The following MAML2 variants were observed in gnomAD, a reference collection of about 807,000 sequenced individuals.
The protein encoded by MAML2 is mastermind like transcriptional coactivator 2.
MAML2 carries 22 observed loss-of-function variants against 96.1 expected under a neutral mutation model. That is an observed-to-expected ratio of 0.23 (90% CI 0.16 to 0.33). MAML2 has a LOEUF of 0.33. MAML2 is among the 10% of genes least tolerant of loss of function. The pLI, the probability that MAML2 is intolerant of heterozygous loss-of-function variation, is 1.00. For synonymous variants in MAML2, 561 were observed against 521.3 expected (o/e 1.08, Z -1.04); for missense variants, 1,367 against 1,392.4 (o/e 0.98, Z 0.29).
At chr11:96,188,349 C>A (rs1187070372) in intron 1 of MAML2, among the ~76,000 whole-genome samples, 1 of 152,218 alleles carries the variant, frequency 6.6e-6, no homozygotes, top group Non-Finnish European at 1.5e-5. Flanking sequence ...GCCAACACAT[C>A]TCTCTCTACC....
intron 1 of MAML2, among the ~76,000 whole-genome samples, chr11:96,166,177 T>TCTCTCACACA (rs530578845): frequency 0.015 from 1,708 of 110,278 alleles, 20 homozygotes; most frequent in African/African-American, 0.03. Context: ...TCTCTCTCTC[T>TCTCTCACACA]CACACACACA....
At chr11:96,074,242 C>T (rs1181072357) in intron 2 of MAML2, among the ~76,000 whole-genome samples, 1 of 152,214 alleles carries the variant, frequency 6.6e-6, no homozygotes, top group African/African-American at 2.4e-5. Flanking sequence ...CATGCAGTCA[C>T]CCAGCTAGTC....
chr11:96,234,505 A>G (rs1862340417), intron 1 of MAML2, among the ~76,000 whole-genome samples: 1 of 152,160 alleles, frequency 6.6e-6, no homozygotes, highest in Non-Finnish European at 1.5e-5. Flanking sequence ...ATAAATAAAC[A>G]CATACATACA....
At chr11:96,127,855 G>C (rs1390228828) in intron 1 of MAML2, among the ~76,000 whole-genome samples, 4 of 152,156 alleles carry the variant, frequency 2.6e-5, no homozygotes, top group Non-Finnish European at 5.9e-5. Flanking sequence ...TGGCCCTACT[G>C]TTTCCATTGG....
At chr11:96,153,107 T>A (rs1860949824) in intron 1 of MAML2, among the ~76,000 whole-genome samples, 1 of 152,088 alleles carries the variant, frequency 6.6e-6, no homozygotes. Context: ...AATTCATAGA[T>A]GGTCAAGGTA....
intron 2 of MAML2, among the ~76,000 whole-genome samples, chr11:96,019,728 A>T (rs1858408235): frequency 6.7e-6 from 1 of 150,308 alleles, no homozygotes; most frequent in Non-Finnish European, 1.5e-5. Flanking sequence ...AATAATACAC[A>T]TGTAGAACCA....
chr11:96,001,764 C>T (rs1476631524), intron 2 of MAML2, among the ~76,000 whole-genome samples: 1 of 152,190 alleles, frequency 6.6e-6, no homozygotes, highest in African/African-American at 2.4e-5. Flanking sequence ...TTTGGGATCA[C>T]GTCCTAACTC....
chr11:96,093,543 G>C, intron 1 of MAML2, 26 bp from the exon 2 acceptor site: 1 of 1,427,436 alleles, frequency 7.0e-7, no homozygotes, highest in Non-Finnish European at 9.6e-7. Context: ...GAATAAAAAG[G>C]AAAAATAAGA....
intron 2 of MAML2, among the ~76,000 whole-genome samples, chr11:96,057,110 A>G (rs546384415): frequency 1.3e-5 from 2 of 152,288 alleles, no homozygotes; most frequent in East Asian, 3.9e-4. Context: ...GAAGTAGGAC[A>G]AGAACTTGGG....
chr11:96,000,945 A>G (rs748126042), intron 2 of MAML2, among the ~76,000 whole-genome samples: 1 of 152,192 alleles, frequency 6.6e-6, no homozygotes, highest in African/African-American at 2.4e-5. Context: ...GCTTGAAAAA[A>G]CAGAAGAAAG....
chr11:96,274,663 C>T (rs1445863795), intron 1 of MAML2, among the ~76,000 whole-genome samples: 1 of 151,996 alleles, frequency 6.6e-6, no homozygotes, highest in African/African-American at 2.4e-5. Context: ...AAAAGGCTAG[C>T]AATGTGGAAT....
intron 1 of MAML2, among the ~76,000 whole-genome samples, chr11:96,152,411 T>A (rs1402432568): frequency 6.6e-6 from 1 of 152,164 alleles, no homozygotes; most frequent in Non-Finnish European, 1.5e-5. Context: ...AGAACACCAG[T>A]TGAAGTTCTG....
intron 1 of MAML2, among the ~76,000 whole-genome samples, chr11:96,240,362 A>G (rs1391127041): frequency 6.6e-6 from 1 of 151,790 alleles, no homozygotes; most frequent in Non-Finnish European, 1.5e-5. Flanking sequence ...CATCCTGGCT[A>G]ACAAGGTGAA....
At chr11:96,268,324 TA>T (rs1481182783) in intron 1 of MAML2, among the ~76,000 whole-genome samples, 2 of 151,860 alleles carry the variant, frequency 1.3e-5, no homozygotes, top group Non-Finnish European at 2.9e-5. Flanking sequence ...AAAAATAAAA[TA>T]AAAATTTCAA....
intron 1 of MAML2, among the ~76,000 whole-genome samples, chr11:96,231,398 T>C (rs1445076937): frequency 6.6e-6 from 1 of 152,170 alleles, no homozygotes; most frequent in Non-Finnish European, 1.5e-5. Context: ...TGGGATAAAA[T>C]AAATGTTTCT....
intron 1 of MAML2, among the ~76,000 whole-genome samples, chr11:96,148,824 CA>C (rs1860867862): frequency 6.6e-6 from 1 of 152,050 alleles, no homozygotes; most frequent in African/African-American, 2.4e-5. Context: ...GTTTGGAAAC[CA>C]AAGGACAGAG....
Position 96,255,152 on chromosome 11 carries a change from A to G in MAML2, c.513+86231T>C, listed in dbSNP as rs187380854. On this transcript the variant is annotated intron_variant, in intron 1 of 4. Transcript: ENST00000524717. The stretch of plus-strand genomic sequence containing the variant: ...GCCTGAGGGCTCTTTTGAAAACACA[A>G]ATATGATCATGTCACTTCCCTGCAT... 2.5e-3 allele frequency among the ~76,000 whole-genome samples: 381 copies of G among 152,330 alleles called. 1 individual carries two copies. Among genetic ancestry groups the G allele is most frequent in the African/African-American group, 8.5e-3 (354 of 41,566 alleles).
intron 2 of MAML2, among the ~76,000 whole-genome samples, chr11:96,034,408 A>AGTGT (rs5793773): frequency 0.034 from 4,243 of 126,436 alleles, 140 homozygotes; most frequent in African/African-American, 0.081. Flanking sequence ...AATACTTTGA[A>AGTGT]GTGTGTGTGT....
intron 1 of MAML2, among the ~76,000 whole-genome samples, chr11:96,278,755 A>G (rs1275879600): frequency 6.6e-6 from 1 of 152,172 alleles, no homozygotes; most frequent in Admixed American, 6.5e-5. Context: ...CAGCAATACC[A>G]CATCACAAAG....
Sources: allele counts gnomAD v4.1 joint callset (sites outside exome capture counted in the v4.1 genomes callset), GRCh38; gene constraint gnomAD v4.1.1; transcripts MANE v1.5; gene names NCBI Gene and HGNC (gene_info 2026-07-23, HGNC 2026-07-21).